Variants in RALGAPA1 observed in about 807,000 individuals in gnomAD.
RALGAPA1 encodes ral GTPase-activating protein subunit alpha-1.
A neutral mutation model predicts 269.6 loss-of-function variants in RALGAPA1; 52 were observed. The observed-to-expected ratio is 0.19, with a 90% CI of 0.15 to 0.24. The LOEUF (loss-of-function observed/expected upper bound fraction) is 0.24. RALGAPA1 is among the 10% of genes least tolerant of loss of function. The pLI, the probability that RALGAPA1 is intolerant of heterozygous loss-of-function variation, is 1.00. For synonymous variants in RALGAPA1, 817 were observed against 1,008.3 expected (o/e 0.81, Z 3.60); for missense variants, 1,917 against 3,013.9 (o/e 0.64, Z 8.52).
rs2061090022 is a variant in RALGAPA1 at position 35,627,897 on chromosome 14, G to A, written c.6050C>T (p.Thr2017Ile). 3 of 1,557,564 alleles carry A rather than the reference G, an allele frequency of 1.9e-6. No homozygotes were observed. Among genetic ancestry groups the A allele is most frequent in the Non-Finnish European group, 2.6e-6 (3 of 1,154,174 alleles). Residue 2017 changes from threonine to isoleucine, a missense_variant, in exon 34 of 42, where the codon ACA becomes ATA. Transcript: ENST00000680220. ...ATGGCCCAGGTGATTTACCAGATGT[G>A]TAATAACAGTGCGGGCTGCTATAGA... ...LISIAARTVITHLVNHLGHYP... is the reference protein window; with the variant it reads ...LISIAARTVIIHLVNHLGHYP...
At position 35,627,849 on chromosome 14, in the gene RALGAPA1, G is replaced by A. The variant is rs200013763; in HGVS notation, c.6098C>T (p.Ala2033Val). 1.3e-6 allele frequency: 2 copies of A among 1,590,054 alleles called. No individual in the cohort carries two copies. Among genetic ancestry groups the A allele is most frequent in the African/African-American group, 2.7e-5 (2 of 74,410 alleles). Residue 2033 changes from alanine (A) to valine (V), a missense_variant, in exon 34 of 42, where the codon GCT becomes GTT. Ala to Val is a moderately conservative substitution (Grantham distance 64). This residue lies in a region of RALGAPA1 where 346 missense variants were observed against 566.1 expected (regional missense o/e 0.61). Transcript: ENST00000680220. ...LGHYPMSGGP[A>V]MLTSQVCENH... is the part of the protein sequence containing the mutation. ...TTCACACACCTGACTTGTTAGCATA[G>A]CAGGACCACCGCTCATTGGATAATG...
chr14:35,794,426 T>C (rs2076410508), intron 1 of RALGAPA1, among the ~76,000 whole-genome samples: 2 of 152,150 alleles, frequency 1.3e-5, no homozygotes, highest in East Asian at 3.8e-4. Flanking sequence ...TTCAGCCAAA[T>C]CTGTTAATCC....
chr14:35,574,132 A>T (rs970568894), intron 37 of RALGAPA1, among the ~76,000 whole-genome samples: 3 of 152,234 alleles, frequency 2.0e-5, no homozygotes, highest in Non-Finnish European at 4.4e-5. Context: ...GCACACTGTC[A>T]GGAAGAATTT....
chr14:35,668,390 A>G (rs941441643), intron 26 of RALGAPA1, among the ~76,000 whole-genome samples: 3 of 152,058 alleles, frequency 2.0e-5, no homozygotes, highest in African/African-American at 7.2e-5. Context: ...GGCTGAGGCA[A>G]AAGAATCACT....
intron 1 of RALGAPA1, among the ~76,000 whole-genome samples, chr14:35,805,069 C>T (rs565124887): frequency 1.3e-5 from 2 of 151,978 alleles, no homozygotes. Context: ...AGGCGGATCA[C>T]GAGGTCGCGA....
At chr14:35,722,090 A>T (rs2069470310) in intron 15 of RALGAPA1, among the ~76,000 whole-genome samples, 1 of 152,098 alleles carries the variant, frequency 6.6e-6, no homozygotes, top group Non-Finnish European at 1.5e-5. Context: ...ATTCTCTGCC[A>T]CCCACTTGCT....
chr14:35,673,105 G>A, intron 24 of RALGAPA1, 83 bp from the exon 25 acceptor site: 11 of 1,265,580 alleles, frequency 8.7e-6, no homozygotes, highest in Non-Finnish European at 9.3e-6. Context: ...AGCAAACGAT[G>A]TATATAATCT....
intron 16 of RALGAPA1, 131 bp downstream of exon 16, chr14:35,721,557 C>CT (rs2069412432): frequency 1.4e-6 from 1 of 732,040 alleles, no homozygotes; most frequent in Non-Finnish European, 2.1e-6. Flanking sequence ...GGAAAAAAGG[C>CT]TTTGCTATAG....
At chr14:35,621,682 C>G (rs185020354) in intron 35 of RALGAPA1, among the ~76,000 whole-genome samples, 4 of 152,122 alleles carry the variant, frequency 2.6e-5, no homozygotes, top group African/African-American at 9.7e-5. Context: ...AAACAAACAA[C>G]GCCATCAAAA....
chr14:35,668,071 G>A (rs7154744), intron 26 of RALGAPA1, among the ~76,000 whole-genome samples: 3,315 of 152,270 alleles, frequency 0.022, 121 homozygotes, highest in African/African-American at 0.075. Context: ...AATGCCACAT[G>A]TTCTCTTTCA....
intron 27 of RALGAPA1, among the ~76,000 whole-genome samples, chr14:35,662,581 C>G (rs948889551): frequency 2.6e-5 from 4 of 152,146 alleles, no homozygotes; most frequent in African/African-American, 9.7e-5. Flanking sequence ...TTTTTAATCA[C>G]TTCTGCCATT....
In RALGAPA1 at chr14:35,574,391, A is replaced by G. The variant is rs553189375; in HGVS notation, c.7210-1673T>C. ...CTGTATAGTATTAAAAGTCTGTTAA[A>G]TAAGTTTAATGGAAAAGAACAACAT... On this transcript the variant is annotated intron_variant, in intron 37 of 41. Transcript: ENST00000680220. Among the ~76,000 whole-genome samples the G allele has an allele frequency of 2.6e-5, 4 of 152,344 alleles. No homozygotes were observed. In the East Asian group the frequency reaches 5.8e-4, roughly 22 times the overall value.
At chr14:35,631,260 C>G (rs1179012313) in intron 33 of RALGAPA1, among the ~76,000 whole-genome samples, 2 of 152,186 alleles carry the variant, frequency 1.3e-5, no homozygotes, top group African/African-American at 2.4e-5. Flanking sequence ...TTATTTCCCT[C>G]TTTACCACAG....
intron 12 of RALGAPA1, among the ~76,000 whole-genome samples, chr14:35,730,116 C>A (rs2070334363): frequency 6.6e-6 from 1 of 152,106 alleles, no homozygotes; most frequent in African/African-American, 2.4e-5. Context: ...AAACACACAC[C>A]CATTGGGGAA....
At chr14:35,638,387 G>A (rs2061797144) in intron 31 of RALGAPA1, among the ~76,000 whole-genome samples, 1 of 152,126 alleles carries the variant, frequency 6.6e-6, no homozygotes, top group African/African-American at 2.4e-5. Context: ...TGCAGTCAGT[G>A]TCAAGTTGGC....
chr14:35,582,603 C>T (rs1008180010), intron 37 of RALGAPA1, among the ~76,000 whole-genome samples: 7 of 152,078 alleles, frequency 4.6e-5, no homozygotes, highest in Non-Finnish European at 8.8e-5. Context: ...TTAGCAACTC[C>T]AGGAGAAACC....
intron 38 of RALGAPA1, 81 bp from the exon 39 acceptor site, chr14:35,570,825 C>A: frequency 7.7e-7 from 1 of 1,306,014 alleles, no homozygotes; most frequent in Non-Finnish European, 1.0e-6. Context: ...ACTTTGCATC[C>A]AAAAGTATTT....
chr14:35,781,611 C>A (rs2075437757), intron 1 of RALGAPA1, among the ~76,000 whole-genome samples: 1 of 151,752 alleles, frequency 6.6e-6, no homozygotes. Flanking sequence ...TCTATCTACA[C>A]ACACACATAC....
intron 3 of RALGAPA1, among the ~76,000 whole-genome samples, chr14:35,773,107 T>A (rs1351246954): frequency 6.6e-6 from 1 of 152,176 alleles, no homozygotes; most frequent in Non-Finnish European, 1.5e-5. Flanking sequence ...TGTAAACTAT[T>A]CAAAAGCATT....
Sources: gnomAD v4.1 joint callset for allele counts (sites outside exome capture counted in the v4.1 genomes callset) on GRCh38, gnomAD v4.1.1 for gene constraint, gnomAD v4.1.1 regional missense constraint, MANE v1.5 for transcripts, NCBI Gene and HGNC (gene_info 2026-07-23, HGNC 2026-07-21) for gene names.